The following LRRN2 variants were observed in gnomAD, a reference collection of about 807,000 sequenced individuals.
The protein encoded by LRRN2 is leucine rich repeat neuronal 2.
Under a neutral mutation model 35.7 loss-of-function variants are expected in LRRN2, and 10 were observed. The ratio of observed to expected loss-of-function variants is 0.28; its 90% CI spans 0.17 to 0.47. LRRN2 has a LOEUF of 0.47. Ranked by LOEUF, LRRN2 falls within the 20% of genes least tolerant of loss-of-function variation. The pLI is 0.99. For missense variants in LRRN2, 731 were observed against 940.3 expected (o/e 0.78, Z 2.91); for synonymous variants, 391 against 409.6 (o/e 0.95, Z 0.55).
intron 1 of LRRN2, among the ~76,000 whole-genome samples, chr1:204,633,889 T>G (rs987831561): frequency 6.6e-6 from 1 of 152,200 alleles, no homozygotes; most frequent in Non-Finnish European, 1.5e-5. Flanking sequence ...CAGCCCTTCT[T>G]CAAGAGAACG....
At chr1:204,640,303 T>A (rs1667950610) in intron 1 of LRRN2, among the ~76,000 whole-genome samples, 1 of 152,100 alleles carries the variant, frequency 6.6e-6, no homozygotes, top group Non-Finnish European at 1.5e-5. Context: ...TCAGGTGGGC[T>A]CCACCCTCAT....
At chr1:204,620,412 T>G in intron 1 of LRRN2, 194 bp from the exon 2 acceptor site, 1 of 209,840 alleles carries the variant, frequency 4.8e-6, no homozygotes. Flanking sequence ...TAGCTGGGAT[T>G]ACAGGCACCT....
rs142531917 is a variant in LRRN2, at chr1:204,644,319, C to T, written c.-226-24101G>A. Among the ~76,000 whole-genome samples the T allele has an allele frequency of 7.6e-4, 116 of 152,278 alleles. No homozygotes were observed. The Middle Eastern group carries it at 0.014, about 18-fold the overall frequency. ...TGCCATCTGGGCTTTCCATCTGTAC[C>T]ATGCAGCCTCCCTCCCTTTCTGTCC... On this transcript the variant is annotated intron_variant, in intron 1 of 1. Transcript: ENST00000367177.
At chr1:204,637,207 G>A (rs146952637) in intron 1 of LRRN2, among the ~76,000 whole-genome samples, 518 of 152,280 alleles carry the variant, frequency 3.4e-3, no homozygotes, top group Non-Finnish European at 4.9e-3. Flanking sequence ...CCAGGACTGA[G>A]AACTATTACT....
Position 204,617,751 on chromosome 1 carries a change from G to T in LRRN2, c.*100C>A. 2 of 1,339,426 alleles carry T rather than the reference G, an allele frequency of 1.5e-6. No individual in the cohort carries two copies. Among genetic ancestry groups the T allele is most frequent in the Non-Finnish European group, 2.1e-6 (2 of 944,774 alleles). 83.0% of individuals were successfully genotyped at this position (1,339,426 alleles called of 1,614,324 possible). ...CAGCTGCCAGGCCTCAAGCACGTGG[G>T]TCCATGTCCCTTTCCTGGCAGGGCA... On this transcript the variant is annotated 3_prime_UTR_variant, in exon 2 of 2. Coordinates refer to ENST00000367177, the MANE Select transcript of LRRN2 (RefSeq NM_201630.2).
Position 204,618,114 on chromosome 1 carries a change from C to T in LRRN2, c.1879G>A (p.Asp627Asn). 16 of 1,614,096 alleles carry T rather than the reference C, an allele frequency of 9.9e-6. No individual in the cohort carries two copies. The highest frequency in any genetic ancestry group is 1.4e-5 in the Non-Finnish European group (16 of 1,179,972). The change falls in exon 2 of 2, where the codon GAC becomes AAC. Residue 627 changes from aspartate to asparagine, a missense_variant. Physicochemically the swap from Asp to Asn is conservative, Grantham distance 23 (BLOSUM62 1). Coordinates refer to ENST00000367177, the MANE Select transcript of LRRN2 (RefSeq NM_201630.2). ...EATSCHRALG[D>N]RPGLIAILAL... is the part of the protein sequence containing the mutation. ...AGGATGGCAATGAGCCCAGGACGGTCCCCTAAGGCTCTGTGGCAAGAAGTG... is the reference window on the plus strand; with the variant it reads ...AGGATGGCAATGAGCCCAGGACGGTTCCCTAAGGCTCTGTGGCAAGAAGTG...
At chr1:204,632,569 C>T (rs1461872794) in intron 1 of LRRN2, among the ~76,000 whole-genome samples, 2 of 147,622 alleles carry the variant, frequency 1.4e-5, no homozygotes, top group African/African-American at 5.0e-5. Flanking sequence ...GTGGAGGTTG[C>T]AGTGAGCTGA....
chr1:204,665,167 G>T (rs1178593303), intron 1 of LRRN2, among the ~76,000 whole-genome samples: 2 of 151,800 alleles, frequency 1.3e-5, no homozygotes, highest in East Asian at 3.8e-4. Flanking sequence ...GATCACAGAT[G>T]GACGTGAAAG....
chr1:204,664,570 T>C (rs1319599596), intron 1 of LRRN2: 1 of 152,236 alleles, frequency 6.6e-6, no homozygotes, highest in Non-Finnish European at 1.5e-5. Context: ...AACTCACTCC[T>C]TTGCTTACCC....
At chr1:204,637,834 G>A (rs567385250) in intron 1 of LRRN2, among the ~76,000 whole-genome samples, 2 of 152,290 alleles carry the variant, frequency 1.3e-5, no homozygotes, top group African/African-American at 4.8e-5. Flanking sequence ...TTTAAACACA[G>A]GAGTTTGTGC....
In LRRN2 at chr1:204,618,004, C is replaced by A. The variant is rs1666482184; in HGVS notation, c.1989G>T (p.Arg663=). ...GQPRKGVGGR[R]PLPPAWAFWG... ...AGAAAGCCCAGGCTGGAGGGAGAGGCCGCCTCCCACCCACACCCTTCCTGG... is the reference window on the plus strand; with the variant it reads ...AGAAAGCCCAGGCTGGAGGGAGAGGACGCCTCCCACCCACACCCTTCCTGG... The change falls in exon 2 of 2, where the codon CGG becomes CGT. Residue 663 remains arginine (R), a synonymous_variant. Coordinates refer to ENST00000367177, the MANE Select transcript of LRRN2 (RefSeq NM_201630.2). 1 of 1,612,490 alleles carries A rather than the reference C, an allele frequency of 6.2e-7. No individual in the cohort carries two copies. Among genetic ancestry groups the A allele is most frequent in the African/African-American group, 1.3e-5 (1 of 74,908 alleles).
Position 204,618,180 on chromosome 1 carries a change from G to A in LRRN2, c.1813C>T (p.His605Tyr), listed in dbSNP as rs1438260240. Residue 605 changes from histidine to tyrosine, a missense_variant, in exon 2 of 2, where the codon CAC becomes TAC. Transcript: ENST00000367177. ...GCCCATACACAAGCCAACTGGGTGTGGGCATCAGCAAAGGCCACTTGCAGG... is the reference window on the plus strand; with the variant it reads ...GCCCATACACAAGCCAACTGGGTGTAGGCATCAGCAAAGGCCACTTGCAGG... Reference protein sequence around the residue: ...ACLQVAFADAHTQLACVWART... With the variant: ...ACLQVAFADAYTQLACVWART... The A allele has an allele frequency of 6.2e-7, 1 of 1,614,144 alleles. No individual in the cohort carries two copies.
Position 204,617,919 on chromosome 1 carries a change from G to A in LRRN2, c.2074C>T (p.Pro692Ser), listed in dbSNP as rs11588857. Residue 692 changes from proline (P) to serine (S), a missense_variant, in exon 2 of 2, where the codon CCA (proline) becomes TCA (serine). Around this residue, in one of 3 missense-constraint regions of LRRN2, gnomAD observed 229 missense variants for 258.4 expected, o/e 0.89. Coordinates refer to ENST00000367177, the MANE Select transcript of LRRN2 (RefSeq NM_201630.2). ...GAGGATCTGGGCAGCTTCCTCCCTG[G>A]ATTCCAGGGCAGGACGAGGGGAGCA... is the stretch of plus-strand genomic sequence containing the variant. ...VSAPLVLPWNPGRKLPRSSEG... is the reference protein window; with the variant it reads ...VSAPLVLPWNSGRKLPRSSEG... 0.21 allele frequency: 331,880 copies of A among 1,613,948 alleles called. 36,042 individuals carry two copies. Among genetic ancestry groups the A allele is most frequent in the East Asian group, 0.35 (15,552 of 44,864 alleles).
chr1:204,630,958 C>T (rs1437576676), intron 1 of LRRN2, among the ~76,000 whole-genome samples: 1 of 151,902 alleles, frequency 6.6e-6, no homozygotes, highest in Non-Finnish European at 1.5e-5. Flanking sequence ...TTGGGTTTCT[C>T]ATCTGCAAAA....
At chr1:204,648,207 G>A (rs1470577784) in intron 1 of LRRN2, among the ~76,000 whole-genome samples, 3 of 152,154 alleles carry the variant, frequency 2.0e-5, no homozygotes, top group African/African-American at 7.2e-5. Context: ...ACAGACAGTG[G>A]GGAAAATGTG....
chr1:204,621,280 G>T, intron 1 of LRRN2: 1 of 167,392 alleles, frequency 6.0e-6, no homozygotes, highest in Non-Finnish European at 1.5e-5. Context: ...CCACTTACCC[G>T]CTGCACACAA....
chr1:204,683,409 G>A (rs1004070479), intron 1 of LRRN2, among the ~76,000 whole-genome samples: 1 of 152,040 alleles, frequency 6.6e-6, no homozygotes, highest in Non-Finnish European at 1.5e-5. Context: ...AGGGGGAAAA[G>A]GGAAGTGAAG....
At chr1:204,682,965 A>T (rs970285107) in intron 1 of LRRN2, 5 of 152,274 alleles carry the variant, frequency 3.3e-5, no homozygotes, top group Non-Finnish European at 7.3e-5. Context: ...AGCTTGAGAC[A>T]TGGAGGTTTG....
intron 1 of LRRN2, among the ~76,000 whole-genome samples, chr1:204,646,363 C>G (rs139688817): frequency 3.9e-5 from 6 of 152,000 alleles, no homozygotes; most frequent in Admixed American, 3.9e-4. Flanking sequence ...TTTTAGTGAA[C>G]GTTCTTTTCA....
Sources: allele counts gnomAD v4.1 joint callset (sites outside exome capture counted in the v4.1 genomes callset), GRCh38; gene constraint gnomAD v4.1.1; regional missense constraint gnomAD v4.1.1; transcripts MANE v1.5; gene names NCBI Gene and HGNC (gene_info 2026-07-23, HGNC 2026-07-21).